The following IGBP1 variants were observed in gnomAD, a reference collection of about 807,000 sequenced individuals.
IGBP1 encodes the protein immunoglobulin-binding protein 1.
Under a neutral mutation model 25.9 loss-of-function variants are expected in IGBP1, and 2 were observed. The ratio of observed to expected loss-of-function variants is 0.08; its 90% CI spans 0.03 to 0.24. The LOEUF (loss-of-function observed/expected upper bound fraction) is 0.24. IGBP1 is among the 10% of genes least tolerant of loss of function. The pLI is 1.00. For missense variants in IGBP1, 187 were observed against 260.4 expected, an observed-to-expected ratio of 0.72 and a Z score of 1.94; for synonymous variants, 96 against 93.4, an observed-to-expected ratio of 1.03 and a Z score of -0.16.
chrX:70,145,143 T>G (rs1300281508), intron 3 of IGBP1, among the ~76,000 whole-genome samples: 1 of 110,359 alleles, frequency 9.1e-6, no homozygotes, highest in Non-Finnish European at 1.9e-5. Flanking sequence ...GGACTTCAGC[T>G]TAAGACCCCC....
chrX:70,166,055 C>G lies in IGBP1; in HGVS notation c.*74C>G. 9.7e-7 allele frequency: 1 copy of G among 1,030,372 alleles called. No homozygotes were observed. Among genetic ancestry groups the G allele is most frequent in the South Asian group, 2.1e-5 (1 of 48,764 alleles). 84.9% of individuals were successfully genotyped at this position (1,030,372 alleles called of 1,213,427 possible). A position where few individuals can be genotyped will look rare whatever the true frequency, so the allele number is the denominator to read the frequency against. ...GGAAAACCATGCAGTCCTCCCCTCCCTGGTCTCCTGCTTCAGCTCTGTACA... is the reference window on the plus strand; with the variant it reads ...GGAAAACCATGCAGTCCTCCCCTCCGTGGTCTCCTGCTTCAGCTCTGTACA... On this transcript the variant is annotated 3_prime_UTR_variant, in exon 7 of 7. Coordinates refer to ENST00000356413, the MANE Select transcript of IGBP1 (RefSeq NM_001551.3).
Position 70,145,042 on chromosome X carries a change from AAAG to A in IGBP1, c.483-1585_483-1583del, listed in dbSNP as rs201058612. ...ATAAAAATTTCTCAGCCAAAAAAAAAAAGAAGAAAGAAAAAGAAAGCATACAGG... is the reference window on the plus strand; with the variant it reads ...ATAAAAATTTCTCAGCCAAAAAAAAAAAGAAAGAAAAAGAAAGCATACAGG... On this transcript the variant is annotated intron_variant, in intron 3 of 6. Transcript: ENST00000356413. 2.2e-3 allele frequency among the ~76,000 whole-genome samples: 238 copies of A among 108,266 alleles called. 3 individuals are homozygous for A. Among genetic ancestry groups the A allele is most frequent in the Admixed American group, 0.018 (183 of 10,091 alleles). The allele number at this position is 108,266 out of a possible 115,157, so 94.0% of individuals were successfully genotyped here. A position where few individuals can be genotyped will look rare whatever the true frequency, so the allele number is the denominator to read the frequency against.
chrX:70,152,020 G>A (rs1358709293), intron 6 of IGBP1, among the ~76,000 whole-genome samples: 2 of 111,790 alleles, frequency 1.8e-5, no homozygotes, highest in Non-Finnish European at 3.8e-5. Flanking sequence ...TAATTTGAAA[G>A]GATTAGCTTT....
chrX:70,156,913 C>T (rs1279165399), intron 6 of IGBP1, among the ~76,000 whole-genome samples: 1 of 111,647 alleles, frequency 9.0e-6, no homozygotes, highest in Non-Finnish European at 1.9e-5. Context: ...GCACTCCAGC[C>T]TGGGCAACAG....
In IGBP1 at chrX:70,165,858, A is replaced by G. The variant is rs149827028; in HGVS notation, c.897A>G (p.Gln299=). ...AGGAATTCAGAAAAGCAGCTCAGCA[A>G]CAGGAAGAACAAGAAGAAAAGGAGG... is the stretch of plus-strand genomic sequence containing the variant. The part of the protein sequence containing the change: ...APEEFRKAAQ[Q]QEEQEEKEEE... Residue 299 remains glutamine, a synonymous_variant, in exon 7 of 7, where the codon CAA becomes CAG. Coordinates refer to ENST00000356413, the MANE Select transcript of IGBP1 (RefSeq NM_001551.3). The G allele has an allele frequency of 4.1e-6, 5 of 1,206,204 alleles. No individual in the cohort carries two copies. The highest frequency in any genetic ancestry group is 3.5e-5 in the African/African-American group (2 of 56,810).
intron 3 of IGBP1, among the ~76,000 whole-genome samples, chrX:70,140,073 C>T (rs1257927930): frequency 8.9e-6 from 1 of 112,550 alleles, no homozygotes; most frequent in Non-Finnish European, 1.9e-5. Flanking sequence ...AGATCAGTCT[C>T]TTTAAGTAGT....
At chrX:70,154,140 C>T (rs2085221490) in intron 6 of IGBP1, among the ~76,000 whole-genome samples, 1 of 103,861 alleles carries the variant, frequency 9.6e-6, no homozygotes, top group Non-Finnish European at 2.0e-5. Flanking sequence ...TCACTGCAAG[C>T]TCCGCCTCCC....
At chrX:70,144,181 C>G (rs1421469037) in intron 3 of IGBP1, among the ~76,000 whole-genome samples, 1 of 112,097 alleles carries the variant, frequency 8.9e-6, no homozygotes, top group Non-Finnish European at 1.9e-5. Flanking sequence ...GAACAAGACT[C>G]TATCTCAAAA....
intron 6 of IGBP1, among the ~76,000 whole-genome samples, chrX:70,157,351 G>A (rs1233334734): frequency 9.0e-6 from 1 of 111,322 alleles, no homozygotes; most frequent in African/African-American, 3.3e-5. Flanking sequence ...GGTGGTCATG[G>A]TTCTGGTAGT....
Position 70,135,966 on chromosome X carries a change from A to G in IGBP1, c.482+1150A>G, listed in dbSNP as rs761684131. 2.7e-5 allele frequency among the ~76,000 whole-genome samples: 3 copies of G among 111,995 alleles called. No homozygotes were observed. The Admixed American group carries it at 2.8e-4, about 11-fold the overall frequency. On this transcript the variant is annotated intron_variant, in intron 3 of 6. Transcript: ENST00000356413. ...TTTCCCCAGCTGCAAAATTCAGATA[A>G]TAATAGGTTCTTCCTCATAAAGTAG...
At chrX:70,146,468 T>C (rs1262095595) in intron 3 of IGBP1, among the ~76,000 whole-genome samples, 165 bp from the exon 4 acceptor site, 1 of 110,902 alleles carries the variant, frequency 9.0e-6, no homozygotes, top group East Asian at 2.8e-4. Flanking sequence ...CTGAGGGAAC[T>C]GCCTGGTGGC....
At chrX:70,134,261 G>A in intron 2 of IGBP1, 126 bp downstream of exon 2, 2 of 629,962 alleles carry the variant, frequency 3.2e-6, no homozygotes, top group Non-Finnish European at 5.1e-6. Flanking sequence ...TTACCACTGC[G>A]ATCTTGTGTA....
Position 70,133,988 on chromosome X carries a change from A to G in IGBP1, c.41A>G (p.Glu14Gly). Residue 14 changes from glutamate (E) to glycine (G), a missense_variant, in exon 2 of 7, where the codon GAG becomes GGG. Glu to Gly is a moderately conservative substitution (Grantham distance 98). Transcript: ENST00000356413. ...EDELQLPRLPELFETGRQLLD... is the reference protein window; with the variant it reads ...EDELQLPRLPGLFETGRQLLD... Reference sequence around the variant, plus strand: ...GAGTTACAGCTGCCGCGGCTCCCCGAGCTGTTCGAAACTGGTAGACAGTTA... The same window carrying G: ...GAGTTACAGCTGCCGCGGCTCCCCGGGCTGTTCGAAACTGGTAGACAGTTA... 1 of 1,211,460 alleles carries G rather than the reference A, an allele frequency of 8.3e-7. No homozygotes were observed. Among genetic ancestry groups the G allele is most frequent in the Non-Finnish European group, 1.1e-6 (1 of 895,225 alleles).
chrX:70,146,904 C>A, intron 4 of IGBP1, 76 bp downstream of exon 4: 1 of 774,396 alleles, frequency 1.3e-6, no homozygotes, highest in Non-Finnish European at 2.0e-6. Context: ...CCTTTTAAGT[C>A]TCCATAAAAT....
At chrX:70,155,112 G>A (rs767928210) in intron 6 of IGBP1, among the ~76,000 whole-genome samples, 16 of 112,000 alleles carry the variant, frequency 1.4e-4, no homozygotes, top group East Asian at 2.8e-4. Flanking sequence ...ATAAACCTTC[G>A]AATTAGAAGT....
At chrX:70,144,904 C>A (rs1028209099) in intron 3 of IGBP1, among the ~76,000 whole-genome samples, 1 of 108,264 alleles carries the variant, frequency 9.2e-6, no homozygotes, top group Non-Finnish European at 1.9e-5. Flanking sequence ...ATGATGCACC[C>A]ACCTCAGCCT....
rs190150683 is a variant in IGBP1, at chrX:70,142,282, G to T, written c.483-4351G>T. On this transcript the variant is annotated intron_variant, in intron 3 of 6. Coordinates refer to ENST00000356413, the MANE Select transcript of IGBP1 (RefSeq NM_001551.3). The stretch of plus-strand genomic sequence containing the variant: ...AGAGGTTGAGGCTGCAGTGAGCTGT[G>T]ATCACACCACTGTACTCAAGCCTGG... Among the ~76,000 whole-genome samples, 25 of 111,494 alleles carry T rather than the reference G, an allele frequency of 2.2e-4. 1 individual carries two copies. In the East Asian group the frequency reaches 4.2e-3, roughly 19 times the overall value.
At chrX:70,148,207 G>A (rs923085092) in intron 4 of IGBP1, among the ~76,000 whole-genome samples, 7 of 112,002 alleles carry the variant, frequency 6.2e-5, no homozygotes, top group Non-Finnish European at 1.3e-4. Context: ...CTTTGTTTCA[G>A]CATGCCCCTA....
chrX:70,164,861 C>T (rs2085288745), intron 6 of IGBP1: 1 of 111,980 alleles, frequency 8.9e-6, no homozygotes, highest in Admixed American at 9.5e-5. Flanking sequence ...AGGGCCGAGA[C>T]CAGCCTGGGC....
Sources: gnomAD v4.1 joint callset for allele counts (sites outside exome capture counted in the v4.1 genomes callset) on GRCh38, gnomAD v4.1.1 for gene constraint, MANE v1.5 for transcripts, NCBI Gene and HGNC (gene_info 2026-07-23, HGNC 2026-07-21) for gene names.